Variants in ROBO2 observed in about 807,000 individuals in gnomAD.
The protein encoded by ROBO2 is roundabout homolog 2.
Under a neutral mutation model 160.8 loss-of-function variants are expected in ROBO2, and 53 were observed. That is an observed-to-expected ratio of 0.33 (90% CI 0.26 to 0.41). The LOEUF (loss-of-function observed/expected upper bound fraction) is 0.41. ROBO2 is among the 10% of genes least tolerant of loss of function. ROBO2 has a pLI of 1.00. For synonymous variants in ROBO2, 664 were observed against 611.7 expected, an observed-to-expected ratio of 1.09 and a Z score of -1.26; for missense variants, 1,577 against 1,722.4, an observed-to-expected ratio of 0.92 and a Z score of 1.49.
At chr3:76,876,295 T>C (rs1242804047) in intron 2 of ROBO2, among the ~76,000 whole-genome samples, 2 of 152,208 alleles carry the variant, frequency 1.3e-5, no homozygotes, top group Non-Finnish European at 2.9e-5. Context: ...GGAAGTTTTA[T>C]AAAAATATGG....
At chr3:76,716,792 G>C (rs561985168) in intron 2 of ROBO2, among the ~76,000 whole-genome samples, 17 of 152,262 alleles carry the variant, frequency 1.1e-4, no homozygotes, top group African/African-American at 3.4e-4. Flanking sequence ...TCTGCCTGTA[G>C]GGTATCTTTG....
chr3:76,745,208 A>G (rs2093866105), intron 2 of ROBO2, among the ~76,000 whole-genome samples: 1 of 152,160 alleles, frequency 6.6e-6, no homozygotes, highest in Non-Finnish European at 1.5e-5. Flanking sequence ...ATATCTCTAT[A>G]TTGGTGGATC....
At chr3:76,658,375 T>C (rs939713317) in intron 2 of ROBO2, among the ~76,000 whole-genome samples, 2 of 152,070 alleles carry the variant, frequency 1.3e-5, no homozygotes, top group East Asian at 1.9e-4. Flanking sequence ...CTGGGACACA[T>C]GTGCAGAACA....
rs189350358 is a variant in ROBO2, at chr3:76,130,082, C to T, written c.109+192480C>T. Among the ~76,000 whole-genome samples, 170 of 152,090 alleles carry T rather than the reference C, an allele frequency of 1.1e-3. 1 individual carries two copies. Among genetic ancestry groups the T allele is most frequent in the African/African-American group, 3.5e-3 (144 of 41,526 alleles). The stretch of plus-strand genomic sequence containing the variant: ...CCAGATTAAAAAATAAAAGTCGGAT[C>T]TTATCAATTTTGAAAAGGATGTGGA... On this transcript the variant is annotated intron_variant, in intron 2 of 26. Transcript: ENST00000487694.
At chr3:76,798,289 A>AAAGAAAGG (rs2063910204) in intron 2 of ROBO2, among the ~76,000 whole-genome samples, 1 of 150,892 alleles carries the variant, frequency 6.6e-6, no homozygotes, top group Non-Finnish European at 1.5e-5. Context: ...AGAAAGAAAG[A>AAAGAAAGG]AAGAAAGAAA....
intron 2 of ROBO2, among the ~76,000 whole-genome samples, chr3:76,330,529 T>G (rs530907865): frequency 3.9e-5 from 6 of 152,318 alleles, no homozygotes; most frequent in African/African-American, 1.4e-4. Flanking sequence ...CCATTCTGCT[T>G]CAACAGAAAC....
At chr3:77,080,107 T>A (rs1301082703) in intron 1 of ROBO2, among the ~76,000 whole-genome samples, 1 of 152,166 alleles carries the variant, frequency 6.6e-6, no homozygotes, top group Non-Finnish European at 1.5e-5. Flanking sequence ...TCTCTTGGCT[T>A]TTGTGTCCTG....
chr3:76,434,435 G>GC, intron 2 of ROBO2: 1 of 1,556,820 alleles, frequency 6.4e-7, no homozygotes, highest in Non-Finnish European at 8.9e-7. Flanking sequence ...GGTGGCTATG[G>GC]CCCCCAAGCC....
intron 2 of ROBO2, among the ~76,000 whole-genome samples, chr3:76,168,145 G>A (rs967811327): frequency 1.3e-5 from 2 of 152,206 alleles, no homozygotes; most frequent in Non-Finnish European, 2.9e-5. Context: ...GCAAGTTAGA[G>A]TGAGGTAAGT....
chr3:76,596,560 T>C (rs1418052978), intron 2 of ROBO2, among the ~76,000 whole-genome samples: 1 of 152,112 alleles, frequency 6.6e-6, no homozygotes. Context: ...TAAATGTAGG[T>C]GGCAATCACA....
chr3:76,223,137 G>T (rs987944149), intron 2 of ROBO2, among the ~76,000 whole-genome samples: 2 of 151,426 alleles, frequency 1.3e-5, no homozygotes, highest in African/African-American at 4.9e-5. Context: ...TAGTTCTTTT[G>T]GAGTATATTA....
At chr3:76,542,154 TCA>T (rs2082853760) in intron 2 of ROBO2, among the ~76,000 whole-genome samples, 1 of 152,178 alleles carries the variant, frequency 6.6e-6, no homozygotes, top group African/African-American at 2.4e-5. Flanking sequence ...TGATCTACAA[TCA>T]CATCAAGTCT....
chr3:77,012,832 G>C (rs1026436216), intron 2 of ROBO2, among the ~76,000 whole-genome samples: 4 of 152,134 alleles, frequency 2.6e-5, no homozygotes, highest in African/African-American at 9.7e-5. Flanking sequence ...CAACTGTTGT[G>C]AATTACCTTT....
chr3:76,196,361 C>A (rs138690808), intron 2 of ROBO2, among the ~76,000 whole-genome samples: 1 of 152,076 alleles, frequency 6.6e-6, no homozygotes, highest in African/African-American at 2.4e-5. Context: ...CTATTTTCCC[C>A]GATGTATAGT....
chr3:77,532,693 A>G (rs1358023530), intron 6 of ROBO2, among the ~76,000 whole-genome samples: 3 of 151,746 alleles, frequency 2.0e-5, no homozygotes, highest in Non-Finnish European at 4.4e-5. Context: ...CAATCATTAT[A>G]TATTTCTTAT....
At chr3:76,002,731 A>G (rs1163160414) in intron 2 of ROBO2, among the ~76,000 whole-genome samples, 1 of 152,124 alleles carries the variant, frequency 6.6e-6, no homozygotes, top group Non-Finnish European at 1.5e-5. Context: ...CTAAAACACC[A>G]AGAAACACCC....
At chr3:77,408,099 A>C (rs532440649) in intron 2 of ROBO2, among the ~76,000 whole-genome samples, 2 of 143,042 alleles carry the variant, frequency 1.4e-5, no homozygotes, top group South Asian at 4.6e-4. Flanking sequence ...ACAAAAACAA[A>C]AAAAAAAATA....
At chr3:77,293,097 G>T (rs995559691) in intron 2 of ROBO2, among the ~76,000 whole-genome samples, 1 of 150,770 alleles carries the variant, frequency 6.6e-6, no homozygotes, top group Non-Finnish European at 1.5e-5. Flanking sequence ...AAAATTGGCG[G>T]TTAAACGGGT....
intron 2 of ROBO2, among the ~76,000 whole-genome samples, chr3:77,260,056 A>C (rs985860983): frequency 6.6e-6 from 1 of 152,050 alleles, no homozygotes; most frequent in African/African-American, 2.4e-5. Context: ...ATTTCCCTTT[A>C]AATGTCTCTC....
Sources: gnomAD v4.1 joint callset for allele counts (sites outside exome capture counted in the v4.1 genomes callset) on GRCh38, gnomAD v4.1.1 for gene constraint, MANE v1.5 for transcripts, NCBI Gene and HGNC (gene_info 2026-07-23, HGNC 2026-07-21) for gene names.